Variants in CLVS1 observed in about 807,000 individuals in gnomAD.
The protein encoded by CLVS1 is clavesin-1.
CLVS1 carries 10 observed loss-of-function variants against 33.1 expected under a neutral mutation model. That is an observed-to-expected ratio of 0.30 (90% CI 0.19 to 0.51). CLVS1 has a LOEUF of 0.51. Ranked by LOEUF, CLVS1 falls within the 20% of genes least tolerant of loss-of-function variation. The pLI is 0.97. For missense variants in CLVS1, 343 were observed against 433.4 expected (o/e 0.79, Z 1.85); for synonymous variants, 163 against 166.1 (o/e 0.98, Z 0.14).
intron 2 of CLVS1, among the ~76,000 whole-genome samples, chr8:61,191,657 G>A (rs1346900198): frequency 1.4e-5 from 2 of 147,964 alleles, no homozygotes; most frequent in Non-Finnish European, 1.5e-5. Flanking sequence ...TCCTTAAGCT[G>A]ATAGGCAACT....
At chr8:61,499,196 A>AGAC (rs143823071) in intron 5 of CLVS1, among the ~76,000 whole-genome samples, 6,545 of 152,170 alleles carry the variant, frequency 0.043, 282 homozygotes, top group African/African-American at 0.11. Context: ...TTTATTTTGG[A>AGAC]GACAGGGTCT....
At chr8:61,481,056 A>G (rs1405919320) in intron 5 of CLVS1, among the ~76,000 whole-genome samples, 2 of 152,118 alleles carry the variant, frequency 1.3e-5, no homozygotes, top group Non-Finnish European at 2.9e-5. Context: ...GGTTTAGAGG[A>G]AAGGAAAGGA....
At chr8:60,973,692 T>A in the CLVS1 span, among the ~76,000 whole-genome samples, 1 of 152,030 alleles carries the variant, frequency 6.6e-6, no homozygotes, top group Non-Finnish European at 1.5e-5. Flanking sequence ...ATGCTTCTGC[T>A]GTCTTGCATC....
chr8:61,232,022 GGTTTT>G (rs1180788750), intron 2 of CLVS1, among the ~76,000 whole-genome samples: 1 of 117,070 alleles, frequency 8.5e-6, no homozygotes, highest in African/African-American at 4.5e-5. Flanking sequence ...GGAAAGTTGT[GGTTTT>G]TTTTTTTTTT....
rs543765029 is a variant in CLVS1, at chr8:61,339,934, AAAAG to A, written c.456-36665_456-36662del. ...GAAAGAAAGAGAGTGAAAGAAAGAT[AAAAG>A]AAAGAGAGGGGTAAAGGGAGTGAGA... On this transcript the variant is annotated intron_variant, in intron 2 of 5. Coordinates refer to ENST00000325897, the MANE Select transcript of CLVS1 (RefSeq NM_173519.3). Among the ~76,000 whole-genome samples the A allele has an allele frequency of 7.0e-4, 106 of 151,796 alleles. 1 individual carries two copies. The highest frequency in any genetic ancestry group is 1.1e-3 in the Non-Finnish European group (78 of 67,844).
At chr8:61,213,116 G>A (rs1808007063) in intron 2 of CLVS1, among the ~76,000 whole-genome samples, 1 of 151,728 alleles carries the variant, frequency 6.6e-6, no homozygotes, top group Non-Finnish European at 1.5e-5. Flanking sequence ...TCTGGACCAG[G>A]GAAAAGGAGG....
intron 2 of CLVS1, among the ~76,000 whole-genome samples, chr8:61,185,143 G>GCTTTTTTTTTTTTTTTTTTTTTTTTT: frequency 7.0e-6 from 1 of 143,854 alleles, no homozygotes; most frequent in African/African-American, 2.8e-5. Context: ...AGAGAGTATA[G>GCTTTTTTTTTTTTTTTTTTTTTTTTT]TTTTTGTTTT....
intron 1 of CLVS1, among the ~76,000 whole-genome samples, chr8:61,068,229 G>GTATGTATA (rs1554531444): frequency 9.9e-6 from 1 of 101,004 alleles, no homozygotes; most frequent in East Asian, 3.3e-4. Flanking sequence ...GTATGTATGT[G>GTATGTATA]TATATATATA....
intron 3 of CLVS1, among the ~76,000 whole-genome samples, chr8:61,390,182 T>A (rs567174979): frequency 3.3e-4 from 50 of 152,344 alleles, no homozygotes; most frequent in African/African-American, 1.2e-3. Flanking sequence ...GTGCAAATTA[T>A]ACCCAATTCT....
At chr8:61,136,820 A>G (rs908745672) in intron 2 of CLVS1, among the ~76,000 whole-genome samples, 28 of 152,234 alleles carry the variant, frequency 1.8e-4, no homozygotes, top group African/African-American at 6.5e-4. Context: ...ACCTATGCAC[A>G]TGTAGCCCGG....
chr8:61,232,245 C>G (rs1283596077), intron 2 of CLVS1, among the ~76,000 whole-genome samples: 1 of 151,666 alleles, frequency 6.6e-6, no homozygotes, highest in Non-Finnish European at 1.5e-5. Context: ...ACCATGTTAG[C>G]CAGGACGGTC....
chr8:60,980,222 TG>T, the CLVS1 span, among the ~76,000 whole-genome samples: 2 of 152,256 alleles, frequency 1.3e-5, no homozygotes, highest in African/African-American at 2.4e-5. Context: ...TTCTAGGTCT[TG>T]GGGAAAACTT....
the CLVS1 span, among the ~76,000 whole-genome samples, chr8:61,050,919 T>G: frequency 6.6e-6 from 1 of 152,172 alleles, no homozygotes; most frequent in African/African-American, 2.4e-5. Context: ...CTGCCACCCC[T>G]GGGAAAGTAT....
chr8:61,363,859 T>G (rs1362320908), intron 2 of CLVS1, among the ~76,000 whole-genome samples: 1 of 152,120 alleles, frequency 6.6e-6, no homozygotes, highest in African/African-American at 2.4e-5. Context: ...AGGCCACTCT[T>G]TAGTCTCTGT....
chr8:61,316,340 G>A (rs972112381), intron 2 of CLVS1, among the ~76,000 whole-genome samples: 2 of 152,178 alleles, frequency 1.3e-5, no homozygotes, highest in Non-Finnish European at 2.9e-5. Context: ...TTGAAATGTA[G>A]ACACGTGCAT....
intron 2 of CLVS1, among the ~76,000 whole-genome samples, chr8:61,248,629 T>G (rs1027415345): frequency 2.1e-5 from 3 of 145,422 alleles, no homozygotes; most frequent in Non-Finnish European, 2.9e-5. Flanking sequence ...TACATTTTTT[T>G]AATCACCAAG....
At chr8:61,276,495 A>G (rs1809564058) in intron 2 of CLVS1, among the ~76,000 whole-genome samples, 2 of 152,212 alleles carry the variant, frequency 1.3e-5, no homozygotes, top group Admixed American at 1.3e-4. Context: ...GTTTGTTTTT[A>G]GATCTTAATT....
At chr8:61,172,601 T>G (rs935783901) in intron 2 of CLVS1, among the ~76,000 whole-genome samples, 1 of 152,278 alleles carries the variant, frequency 6.6e-6, no homozygotes, top group Non-Finnish European at 1.5e-5. Flanking sequence ...TTTATAAAAA[T>G]GTGAACAGCA....
the CLVS1 span, chr8:60,966,426 T>C: frequency 6.6e-6 from 3 of 454,854 alleles, no homozygotes; most frequent in South Asian, 3.1e-5. Context: ...GTCACTGCTA[T>C]GGCGGGTGGA....
Sources: gnomAD v4.1 joint callset for allele counts (sites outside exome capture counted in the v4.1 genomes callset) on GRCh38, gnomAD v4.1.1 for gene constraint, MANE v1.5 for transcripts, NCBI Gene and HGNC (gene_info 2026-07-23, HGNC 2026-07-21) for gene names.